The following PRKN variants were observed in gnomAD, a reference collection of about 807,000 sequenced individuals.
PRKN encodes the protein parkin RBR E3 ubiquitin protein ligase, also known as E3 ubiquitin-protein ligase parkin.
Under a neutral mutation model 59.5 loss-of-function variants are expected in PRKN, and 56 were observed. The ratio of observed to expected loss-of-function variants is 0.94; its 90% CI spans 0.76 to 1.18. The LOEUF is 1.18. PRKN is among the 50% of genes most tolerant of loss of function. The probability of loss-of-function intolerance (pLI) is 0.00; values close to 1 mark genes in which losing one functional copy is unlikely to be tolerated. For missense variants in PRKN, 657 were observed against 596.4 expected (o/e 1.10, Z -1.06); for synonymous variants, 250 against 222.1 (o/e 1.13, Z -1.12).
chr6:161,388,153 C>T lies in PRKN; in HGVS notation c.1084-1276G>A, dbSNP rs900575647. 1.3e-5 allele frequency among the ~76,000 whole-genome samples: 2 copies of T among 152,184 alleles called. No individual in the cohort carries two copies. The highest frequency in any genetic ancestry group is 2.9e-5 in the Non-Finnish European group (2 of 68,038). On this transcript the variant is annotated intron_variant, in intron 9 of 11. Transcript: ENST00000366898. This position sits in a 1 kb window ranked among gnomAD's most constrained non-coding sequence, Gnocchi z 4.3. ...GAACACACCAGACTGGAGTCATCATCCCATCCCCTGCCACCTGAAACACCT... is the reference window on the plus strand; with the variant it reads ...GAACACACCAGACTGGAGTCATCATTCCATCCCCTGCCACCTGAAACACCT...
At chr6:162,378,713 G>C (rs573936137) in intron 2 of PRKN, among the ~76,000 whole-genome samples, 8 of 152,320 alleles carry the variant, frequency 5.3e-5, no homozygotes, top group African/African-American at 1.9e-4. Flanking sequence ...AGAAGAAACA[G>C]AACATGCTGA....
intron 6 of PRKN, among the ~76,000 whole-genome samples, chr6:161,920,994 G>A (rs73024546): frequency 0.084 from 12,800 of 151,994 alleles, 829 homozygotes; most frequent in East Asian, 0.34. Context: ...ACTGACCTTG[G>A]CTTACTGTAA....
intron 4 of PRKN, among the ~76,000 whole-genome samples, chr6:162,168,949 A>G (rs998246483): frequency 1.3e-5 from 2 of 152,214 alleles, no homozygotes; most frequent in Non-Finnish European, 2.9e-5. Flanking sequence ...TTGTTCTGAT[A>G]CGTATTTCTG....
At chr6:162,452,490 CTTTTA>C (rs137987230) in intron 1 of PRKN, among the ~76,000 whole-genome samples, 12,956 of 151,896 alleles carry the variant, frequency 0.085, 1,851 homozygotes, top group African/African-American at 0.3. Context: ...AAATATGGGT[CTTTTA>C]TTTATTTTAT....
intron 4 of PRKN, among the ~76,000 whole-genome samples, chr6:162,061,701 G>T (rs1410817433): frequency 6.6e-6 from 1 of 152,152 alleles, no homozygotes; most frequent in African/African-American, 2.4e-5. Flanking sequence ...TCATTAAATA[G>T]TAACCAGGAA....
rs985015001 is a variant in PRKN, at chr6:162,407,195, T to C, written c.171+36115A>G. 2.0e-5 allele frequency among the ~76,000 whole-genome samples: 3 copies of C among 152,178 alleles called. No homozygotes were observed. The East Asian group carries it at 5.8e-4, about 29-fold the overall frequency. ...ATACTTTTATCTAATACAAAGGTGC[T>C]AGATGTTGACCTGATTGAAGTAGAG... On this transcript the variant is annotated intron_variant, in intron 2 of 11. Coordinates refer to ENST00000366898, the MANE Select transcript of PRKN (RefSeq NM_004562.3).
intron 1 of PRKN, among the ~76,000 whole-genome samples, chr6:162,484,148 G>A (rs1792435606): frequency 6.6e-6 from 1 of 152,184 alleles, no homozygotes; most frequent in South Asian, 2.1e-4. Flanking sequence ...TTGGGCAAGA[G>A]AAGTTGGTGG....
At chr6:162,647,837 T>C (rs1778246077) in intron 1 of PRKN, among the ~76,000 whole-genome samples, 1 of 150,970 alleles carries the variant, frequency 6.6e-6, no homozygotes. Context: ...CACCACTTTA[T>C]CTATCACTCC....
chr6:162,578,621 A>T (rs1298008261), intron 1 of PRKN, among the ~76,000 whole-genome samples: 1 of 152,198 alleles, frequency 6.6e-6, no homozygotes, highest in Non-Finnish European at 1.5e-5. Context: ...ATAAAACCTG[A>T]TCACACACTC....
rs907766278 is a variant in PRKN, at chr6:161,360,343, T to C, written c.1168-138A>G. ...GCAAGAAGCCTAAATATCAATGCAC[T>C]TGACAAATGCTAGACAGCTACTAGG... is the stretch of plus-strand genomic sequence containing the variant. On this transcript the variant is annotated intron_variant, in intron 10 of 11. Transcript: ENST00000366898. This position sits in a 1 kb window ranked among gnomAD's most constrained non-coding sequence, Gnocchi z 5.1. 4.0e-6 allele frequency: 3 copies of C among 746,144 alleles called. No homozygotes were observed. Among genetic ancestry groups the C allele is most frequent in the Non-Finnish European group, 7.3e-6 (3 of 411,538 alleles). 46.2% of individuals were successfully genotyped at this position (746,144 alleles called of 1,614,324 possible). A position where few individuals can be genotyped will look rare whatever the true frequency, so the allele number is the denominator to read the frequency against.
At chr6:161,855,222 C>T (rs1271634637) in intron 6 of PRKN, among the ~76,000 whole-genome samples, 2 of 152,030 alleles carry the variant, frequency 1.3e-5, no homozygotes, top group African/African-American at 4.8e-5. Flanking sequence ...CTGCGATGAT[C>T]AGGGTGGGGT....
At chr6:162,283,920 T>G (rs965359928) in intron 2 of PRKN, among the ~76,000 whole-genome samples, 1 of 152,186 alleles carries the variant, frequency 6.6e-6, no homozygotes. Context: ...TTCACCTTAA[T>G]TTTACCTGAA....
chr6:162,234,422 A>C (rs77788523), intron 3 of PRKN, among the ~76,000 whole-genome samples: 13,798 of 152,262 alleles, frequency 0.091, 867 homozygotes, highest in African/African-American at 0.18. Flanking sequence ...GACACAAGTC[A>C]TATGTTTTAA....
intron 3 of PRKN, among the ~76,000 whole-genome samples, chr6:162,221,786 C>T (rs1041298180): frequency 6.6e-6 from 1 of 152,046 alleles, no homozygotes; most frequent in Non-Finnish European, 1.5e-5. Flanking sequence ...TCAGCAGATG[C>T]AAATTAATTG....
intron 9 of PRKN, among the ~76,000 whole-genome samples, chr6:161,482,576 A>T (rs1475224259): frequency 6.6e-6 from 1 of 152,230 alleles, no homozygotes; most frequent in Non-Finnish European, 1.5e-5. Context: ...AATGTTTTAG[A>T]AAACAAAATG....
At chr6:162,321,943 CT>C (rs1783041388) in intron 2 of PRKN, among the ~76,000 whole-genome samples, 1 of 151,886 alleles carries the variant, frequency 6.6e-6, no homozygotes, top group Admixed American at 6.6e-5. Flanking sequence ...AGATTGAGGC[CT>C]TAATGTTAAG....
intron 2 of PRKN, among the ~76,000 whole-genome samples, chr6:162,303,560 T>C (rs1782066008): frequency 6.6e-6 from 1 of 152,130 alleles, no homozygotes; most frequent in Admixed American, 6.5e-5. Context: ...CTAGAAATGA[T>C]GAGATGCTTT....
At chr6:162,380,601 A>G (rs1457046749) in intron 2 of PRKN, among the ~76,000 whole-genome samples, 2 of 150,408 alleles carry the variant, frequency 1.3e-5, no homozygotes, top group Admixed American at 6.6e-5. Context: ...GACACAGGAG[A>G]GGTGGTATCA....
At chr6:161,809,553 A>G (rs768988132) in intron 6 of PRKN, among the ~76,000 whole-genome samples, 8 of 152,226 alleles carry the variant, frequency 5.3e-5, no homozygotes, top group African/African-American at 1.7e-4. Context: ...TGTCCTGCGT[A>G]GCGAACTTTT....
Sources: allele counts gnomAD v4.1 joint callset (sites outside exome capture counted in the v4.1 genomes callset), GRCh38; gene constraint gnomAD v4.1.1; non-coding constraint Gnocchi (gnomAD v3.1); transcripts MANE v1.5; gene names NCBI Gene and HGNC (gene_info 2026-07-23, HGNC 2026-07-21).